The following LRRTM4 variants were observed in gnomAD, a reference collection of about 807,000 sequenced individuals.
The protein encoded by LRRTM4 is leucine-rich repeat transmembrane neuronal protein 4.
In LRRTM4, 25 loss-of-function variants were observed where a neutral mutation model predicts 47.6. The observed-to-expected ratio is 0.53, with a 90% CI of 0.38 to 0.73. The LOEUF is 0.73. Among genes scored for constraint, LRRTM4 ranks in the 30% least tolerant of loss-of-function variants. LRRTM4 has a pLI of 0.00. For synonymous variants in LRRTM4, 311 were observed against 269.5 expected, an observed-to-expected ratio of 1.15 and a Z score of -1.51; for missense variants, 638 against 713.4, an observed-to-expected ratio of 0.89 and a Z score of 1.20.
chr2:77,059,651 T>A (rs1184164341), intron 3 of LRRTM4, among the ~76,000 whole-genome samples: 5 of 152,202 alleles, frequency 3.3e-5, no homozygotes, highest in Non-Finnish European at 7.3e-5. Flanking sequence ...GTTATGGGCA[T>A]GTTCTGTACC....
At chr2:77,287,071 C>T (rs889256126) in intron 3 of LRRTM4, among the ~76,000 whole-genome samples, 15 of 151,960 alleles carry the variant, frequency 9.9e-5, no homozygotes, top group South Asian at 6.2e-4. Context: ...ATGATACGTT[C>T]GAGGCCACAG....
At chr2:76,776,280 G>A (rs369927676) in intron 3 of LRRTM4, among the ~76,000 whole-genome samples, 1 of 152,116 alleles carries the variant, frequency 6.6e-6, no homozygotes, top group African/African-American at 2.4e-5. Context: ...CCCAGTAATG[G>A]GATGGCTGGG....
rs1391331944 is a variant in LRRTM4 at position 76,865,667 on chromosome 2, A to T, written c.1552-116751T>A. On this transcript the variant is annotated intron_variant, in intron 3 of 3. Coordinates refer to ENST00000409884, the MANE Select transcript of LRRTM4 (RefSeq NM_001134745.3). ...TATAATGATATTTTAGAATAAAAGG[A>T]ATCTCTAAGATTCTTGCCTACTTCA... Among the ~76,000 whole-genome samples, 4 of 152,204 alleles carry T rather than the reference A, an allele frequency of 2.6e-5. No homozygotes were observed. In the East Asian group the frequency reaches 7.7e-4, roughly 29 times the overall value.
In LRRTM4 at chr2:77,085,091, G is replaced by A. The variant is rs374659736; in HGVS notation, c.1552-336175C>T. On this transcript the variant is annotated intron_variant, in intron 3 of 3. Coordinates refer to ENST00000409884, the MANE Select transcript of LRRTM4 (RefSeq NM_001134745.3). ...AATTTTAAAAGAAATCCTTTCTATT[G>A]CTGGAAAAGAAATATTTTTATGTGT... is the stretch of plus-strand genomic sequence containing the variant. Among the ~76,000 whole-genome samples, 11 of 152,174 alleles carry A rather than the reference G, an allele frequency of 7.2e-5. No homozygotes were observed. In the South Asian group the frequency reaches 1.2e-3, roughly 17 times the overall value.
Position 76,905,637 on chromosome 2 carries a change from C to T in LRRTM4, c.1552-156721G>A, listed in dbSNP as rs931003210. Among the ~76,000 whole-genome samples, 9 of 120,836 alleles carry T rather than the reference C, an allele frequency of 7.4e-5. No homozygotes were observed. In the Admixed American group the frequency reaches 7.7e-4, roughly 10 times the overall value. The allele number at this position is 120,836 out of a possible 152,430, so 79.3% of individuals were successfully genotyped here. On this transcript the variant is annotated intron_variant, in intron 3 of 3. Coordinates refer to ENST00000409884, the MANE Select transcript of LRRTM4 (RefSeq NM_001134745.3). Reference sequence around the variant, plus strand: ...GAATGTATAACTAGAATAACCAATACAGAGAAGTGCTTAAAGGAGCTGACT... The same window carrying T: ...GAATGTATAACTAGAATAACCAATATAGAGAAGTGCTTAAAGGAGCTGACT...
At chr2:77,178,952 A>G (rs1673274638) in intron 3 of LRRTM4, among the ~76,000 whole-genome samples, 1 of 152,220 alleles carries the variant, frequency 6.6e-6, no homozygotes, top group African/African-American at 2.4e-5. Context: ...ATATTAATAA[A>G]TGAATGTAGA....
intron 3 of LRRTM4, among the ~76,000 whole-genome samples, chr2:77,063,049 G>A (rs537588080): frequency 2.1e-4 from 32 of 151,638 alleles, no homozygotes; most frequent in Admixed American, 1.6e-3. Flanking sequence ...CCACCTCCAG[G>A]GTTCAAGCCA....
At position 77,073,769 on chromosome 2, in the gene LRRTM4, C is replaced by CTA. The variant is rs1309377960; in HGVS notation, c.1552-324855_1552-324854dup. 1.3e-3 allele frequency among the ~76,000 whole-genome samples: 202 copies of CTA among 151,476 alleles called. 2 individuals are homozygous for CTA. The highest frequency in any genetic ancestry group is 4.0e-3 in the African/African-American group (165 of 41,330). On this transcript the variant is annotated intron_variant, in intron 3 of 3. Coordinates refer to ENST00000409884, the MANE Select transcript of LRRTM4 (RefSeq NM_001134745.3). ...TGTTTTTTTCTGTCTCTCTCTCTCTCTATATATACAAATATATATTTCACT... is the reference window on the plus strand; with the variant it reads ...TGTTTTTTTCTGTCTCTCTCTCTCTCTATATATATACAAATATATATTTCACT...
chr2:77,084,161 T>C lies in LRRTM4; in HGVS notation c.1552-335245A>G, dbSNP rs369006962. On this transcript the variant is annotated intron_variant, in intron 3 of 3. Transcript: ENST00000409884. ...TGTAACTAAGGTCTCACCGATAATA[T>C]ATGAACAGAAAGAAAACTTGCGGAA... Among the ~76,000 whole-genome samples, 10 of 152,278 alleles carry C rather than the reference T, an allele frequency of 6.6e-5. No individual in the cohort carries two copies. In the East Asian group the frequency reaches 1.5e-3, roughly 24 times the overall value.
chr2:76,763,527 C>A (rs988216782), intron 3 of LRRTM4, among the ~76,000 whole-genome samples: 2 of 152,198 alleles, frequency 1.3e-5, no homozygotes, highest in African/African-American at 4.8e-5. Context: ...TCTTGGACTT[C>A]CGGCTTCCAG....
At chr2:77,413,445 T>A (rs1266790787) in intron 3 of LRRTM4, among the ~76,000 whole-genome samples, 1 of 152,152 alleles carries the variant, frequency 6.6e-6, no homozygotes, top group Admixed American at 6.5e-5. Context: ...AAAGTTTTCT[T>A]TTTCAGAAGC....
chr2:77,310,971 G>A (rs1573233072), intron 3 of LRRTM4, among the ~76,000 whole-genome samples: 1 of 151,398 alleles, frequency 6.6e-6, no homozygotes, highest in South Asian at 2.1e-4. Flanking sequence ...TGTGATGTGT[G>A]TCTGAGATAT....
Position 77,519,284 on chromosome 2 carries a change from G to A in LRRTM4, c.585C>T (p.Ser195=), listed in dbSNP as rs1679376639. The change falls in exon 3 of 4, where the codon AGC becomes AGT. Residue 195 remains serine, a synonymous_variant. Coordinates refer to ENST00000409884, the MANE Select transcript of LRRTM4 (RefSeq NM_001134745.3). The surrounding 1 kb of genome is among the most constrained non-coding windows in gnomAD (Gnocchi z 4.6). ...FLDLGYNRLR[S]LSRNAFAGLL... ...GGCCAGCAAATGCATTTCGGGACAA[G>A]CTTCGAAGACGATTGTAACCCAAAT... 1 of 1,613,484 alleles carries A rather than the reference G, an allele frequency of 6.2e-7. No individual in the cohort carries two copies. The highest frequency in any genetic ancestry group is 8.5e-7 in the Non-Finnish European group (1 of 1,179,608).
rs969484811 is a variant in LRRTM4, at chr2:76,806,007, G to A, written c.1552-57091C>T. Among the ~76,000 whole-genome samples, 12 of 152,274 alleles carry A rather than the reference G, an allele frequency of 7.9e-5. No individual in the cohort carries two copies. In the South Asian group the frequency reaches 1.2e-3, roughly 16 times the overall value. The stretch of plus-strand genomic sequence containing the variant: ...CTTACAGTTCCAGGGGTTGGGACCT[G>A]ATATTGTTGGGGGCCAGTACTCAGC... On this transcript the variant is annotated intron_variant, in intron 3 of 3. Coordinates refer to ENST00000409884, the MANE Select transcript of LRRTM4 (RefSeq NM_001134745.3).
chr2:77,087,435 C>G (rs1197257159), intron 3 of LRRTM4, among the ~76,000 whole-genome samples: 1 of 152,166 alleles, frequency 6.6e-6, no homozygotes, highest in Non-Finnish European at 1.5e-5. Context: ...GAAAAAATGC[C>G]AGTTAATAAA....
At chr2:77,001,687 T>A (rs1467932741) in intron 3 of LRRTM4, among the ~76,000 whole-genome samples, 1 of 152,082 alleles carries the variant, frequency 6.6e-6, no homozygotes, top group Non-Finnish European at 1.5e-5. Context: ...TGTAAGGTAT[T>A]CCAAAAATTA....
intron 3 of LRRTM4, among the ~76,000 whole-genome samples, chr2:77,144,217 ATC>A (rs1672197684): frequency 6.6e-6 from 1 of 152,058 alleles, no homozygotes; most frequent in African/African-American, 2.4e-5. Context: ...TTGAATATGG[ATC>A]TTCTTGGGAA....
At chr2:77,149,564 T>G (rs1388076553) in intron 3 of LRRTM4, among the ~76,000 whole-genome samples, 1 of 152,204 alleles carries the variant, frequency 6.6e-6, no homozygotes, top group Non-Finnish European at 1.5e-5. Context: ...ATGTGATCTG[T>G]GAAAAATGTG....
chr2:77,315,451 A>G (rs560570691), intron 3 of LRRTM4, among the ~76,000 whole-genome samples: 2 of 152,210 alleles, frequency 1.3e-5, no homozygotes, highest in South Asian at 4.1e-4. Context: ...TCATTTTTCT[A>G]TAACAAATAT....
Sources: allele counts gnomAD v4.1 joint callset (sites outside exome capture counted in the v4.1 genomes callset), GRCh38; gene constraint gnomAD v4.1.1; non-coding constraint Gnocchi (gnomAD v3.1); transcripts MANE v1.5; gene names NCBI Gene and HGNC (gene_info 2026-07-23, HGNC 2026-07-21).